Variants in DLC1 observed in about 807,000 individuals in gnomAD.
The protein encoded by DLC1 is rho GTPase-activating protein 7.
Under a neutral mutation model 140.3 loss-of-function variants are expected in DLC1, and 54 were observed. That is an observed-to-expected ratio of 0.38 (90% CI 0.31 to 0.48). The LOEUF is 0.48. DLC1 is among the 20% of genes least tolerant of loss of function. The pLI is 0.96. For missense variants in DLC1, 2,536 were observed against 1,907.0 expected, an observed-to-expected ratio of 1.33 and a Z score of -6.14; for synonymous variants, 986 against 728.1, an observed-to-expected ratio of 1.35 and a Z score of -5.70.
intron 5 of DLC1, chr8:13,304,982 A>G: frequency 9.4e-7 from 1 of 1,066,370 alleles, no homozygotes; most frequent in Non-Finnish European, 1.1e-6. Flanking sequence ...CAGAACCTTG[A>G]TCAACATTTA....
At chr8:13,335,214 G>A (rs1833771580) in intron 4 of DLC1, among the ~76,000 whole-genome samples, 2 of 152,214 alleles carry the variant, frequency 1.3e-5, no homozygotes, top group Admixed American at 1.3e-4. Flanking sequence ...CCACAATTTA[G>A]AAGCCTCTTG....
intron 1 of DLC1, among the ~76,000 whole-genome samples, chr8:13,528,583 A>G (rs1802994210): frequency 6.6e-6 from 1 of 152,184 alleles, no homozygotes; most frequent in Admixed American, 6.5e-5. Flanking sequence ...CTCTACTTAT[A>G]TTAGTTTTTT....
chr8:13,582,017 C>G (rs1206101396), intron 1 of DLC1, among the ~76,000 whole-genome samples: 1 of 152,064 alleles, frequency 6.6e-6, no homozygotes, highest in African/African-American at 2.4e-5. Context: ...ACGCAAAGTT[C>G]TAGTCCCATG....
At chr8:13,346,390 T>C (rs1380189928) in intron 4 of DLC1, among the ~76,000 whole-genome samples, 1 of 152,238 alleles carries the variant, frequency 6.6e-6, no homozygotes, top group Non-Finnish European at 1.5e-5. Flanking sequence ...GAACGAAACG[T>C]AGGCTAGTCT....
chr8:13,206,366 AG>A (rs887962011), intron 5 of DLC1, among the ~76,000 whole-genome samples: 2 of 152,192 alleles, frequency 1.3e-5, no homozygotes, highest in Non-Finnish European at 2.9e-5. Flanking sequence ...GTCATGTAAA[AG>A]GTTTGGAATA....
intron 4 of DLC1, among the ~76,000 whole-genome samples, chr8:13,323,967 A>C (rs2116915480): frequency 6.6e-6 from 1 of 152,336 alleles, no homozygotes; most frequent in South Asian, 2.1e-4. Context: ...GAGACAGTTA[A>C]TGTGTCCCCA....
At chr8:13,378,742 C>T (rs1309839630) in intron 4 of DLC1, among the ~76,000 whole-genome samples, 1 of 152,082 alleles carries the variant, frequency 6.6e-6, no homozygotes, top group African/African-American at 2.4e-5. Context: ...CCGTTATGTG[C>T]CTAACTTATT....
chr8:13,138,021 G>T (rs1009103803), intron 5 of DLC1, among the ~76,000 whole-genome samples: 4 of 152,206 alleles, frequency 2.6e-5, no homozygotes, highest in Admixed American at 1.3e-4. Flanking sequence ...TAAACTGCAT[G>T]ACAGAAGCCT....
At chr8:13,348,276 G>T (rs1212382281) in intron 4 of DLC1, among the ~76,000 whole-genome samples, 1 of 152,188 alleles carries the variant, frequency 6.6e-6, no homozygotes, top group Non-Finnish European at 1.5e-5. Flanking sequence ...GGCATGAGAA[G>T]TTCCATGTTG....
intron 1 of DLC1, among the ~76,000 whole-genome samples, chr8:13,512,706 C>G (rs1802432101): frequency 6.6e-6 from 1 of 151,992 alleles, no homozygotes; most frequent in Admixed American, 6.6e-5. Flanking sequence ...TTGGTTGGGA[C>G]AGTTTCATTA....
chr8:13,429,210 C>T (rs1838748502), intron 2 of DLC1, among the ~76,000 whole-genome samples: 1 of 152,160 alleles, frequency 6.6e-6, no homozygotes, highest in Admixed American at 6.5e-5. Flanking sequence ...TAGGTCTTCT[C>T]CAAGGCCTAC....
intron 5 of DLC1, among the ~76,000 whole-genome samples, chr8:13,223,292 G>C (rs1001387266): frequency 6.6e-6 from 1 of 152,112 alleles, no homozygotes; most frequent in Non-Finnish European, 1.5e-5. Flanking sequence ...CCCGCCCCCA[G>C]CAACATTTTT....
At chr8:13,290,528 C>T (rs142115944) in intron 5 of DLC1, among the ~76,000 whole-genome samples, 82 of 151,972 alleles carry the variant, frequency 5.4e-4, no homozygotes, top group African/African-American at 1.8e-3. Context: ...TATTGAGTGT[C>T]CTTTATGTTC....
intron 4 of DLC1, among the ~76,000 whole-genome samples, chr8:13,348,895 T>G (rs1834501116): frequency 6.6e-6 from 1 of 152,042 alleles, no homozygotes; most frequent in Non-Finnish European, 1.5e-5. Context: ...GGATGGGAAG[T>G]CAGTAAGAGG....
At chr8:13,506,941 T>C (rs1024645765) in intron 1 of DLC1, among the ~76,000 whole-genome samples, 6 of 152,104 alleles carry the variant, frequency 3.9e-5, no homozygotes, top group African/African-American at 1.4e-4. Flanking sequence ...TACTGTATCT[T>C]AGCCTACTCT....
At chr8:13,287,180 C>G (rs374751274) in intron 5 of DLC1, among the ~76,000 whole-genome samples, 2 of 152,138 alleles carry the variant, frequency 1.3e-5, no homozygotes, top group African/African-American at 4.8e-5. Context: ...CTTTCCCTCC[C>G]ACTTCTTACT....
chr8:13,306,502 C>T (rs138155665), intron 4 of DLC1, among the ~76,000 whole-genome samples: 51 of 151,650 alleles, frequency 3.4e-4, no homozygotes, highest in African/African-American at 9.4e-4. Flanking sequence ...GGGACAACAT[C>T]CTCAGAGTTG....
intron 2 of DLC1, among the ~76,000 whole-genome samples, chr8:13,416,346 T>C (rs1309565518): frequency 6.6e-6 from 1 of 152,132 alleles, no homozygotes; most frequent in Non-Finnish European, 1.5e-5. Context: ...CAAAAGGAAG[T>C]TGCAAAATGA....
At chr8:13,413,442 A>G (rs1234344676) in intron 2 of DLC1, among the ~76,000 whole-genome samples, 1 of 151,520 alleles carries the variant, frequency 6.6e-6, no homozygotes. Flanking sequence ...CACATACACG[A>G]GCACACATAC....
Sources: gnomAD v4.1 joint callset for allele counts (sites outside exome capture counted in the v4.1 genomes callset) on GRCh38, gnomAD v4.1.1 for gene constraint, MANE v1.5 for transcripts, NCBI Gene and HGNC (gene_info 2026-07-23, HGNC 2026-07-21) for gene names.